CNOT10: variants seen among roughly 807,000 people sequenced by gnomAD.
The protein encoded by CNOT10 is CCR4-NOT transcription complex, subunit 10.
In CNOT10, 30 loss-of-function variants were observed where a neutral mutation model predicts 94.6. The ratio of observed to expected loss-of-function variants is 0.32; its 90% CI spans 0.24 to 0.43. The LOEUF (loss-of-function observed/expected upper bound fraction) is 0.43. Ranked by LOEUF, CNOT10 falls within the 20% of genes least tolerant of loss-of-function variation. CNOT10 has a pLI of 1.00. For missense variants in CNOT10, 759 were observed against 877.2 expected (o/e 0.87, Z 1.70); for synonymous variants, 289 against 301.6 (o/e 0.96, Z 0.43).
intron 1 of CNOT10, among the ~76,000 whole-genome samples, chr3:32,686,661 A>G (rs1437050939): frequency 2.0e-5 from 3 of 152,214 alleles, no homozygotes; most frequent in Non-Finnish European, 4.4e-5. Flanking sequence ...TGGATGAGGG[A>G]GAGACTATTA....
At chr3:32,752,869 C>T (rs748444199) in intron 13 of CNOT10, 10 of 310,476 alleles carry the variant, frequency 3.2e-5, no homozygotes, top group South Asian at 1.3e-4. Flanking sequence ...GTGGTAACTA[C>T]GACAGTAGCA....
chr3:32,694,615 A>G (rs1479812573), intron 1 of CNOT10, among the ~76,000 whole-genome samples: 1 of 151,912 alleles, frequency 6.6e-6, no homozygotes, highest in Non-Finnish European at 1.5e-5. Context: ...TTTTTGAGGC[A>G]GTCTTGCTCT....
At chr3:32,690,618 C>T (rs1383971835) in intron 1 of CNOT10, among the ~76,000 whole-genome samples, 4 of 151,854 alleles carry the variant, frequency 2.6e-5, no homozygotes, top group South Asian at 4.2e-4. Flanking sequence ...GCGATCTTGG[C>T]TCACTGCAAG....
intron 17 of CNOT10, among the ~76,000 whole-genome samples, chr3:32,767,746 T>G (rs141023493): frequency 1.9e-3 from 287 of 152,206 alleles, no homozygotes; most frequent in Non-Finnish European, 3.4e-3. Flanking sequence ...ATTGAGTGTA[T>G]GAGTTAAACC....
At chr3:32,695,650 G>T (rs1559475996) in intron 1 of CNOT10, 2 of 1,535,908 alleles carry the variant, frequency 1.3e-6, no homozygotes, top group African/African-American at 1.4e-5. Flanking sequence ...TGTAAAGACT[G>T]TCAAGGTTTG....
chr3:32,758,278 G>A (rs1315444880), intron 13 of CNOT10, among the ~76,000 whole-genome samples: 3 of 152,124 alleles, frequency 2.0e-5, no homozygotes, highest in South Asian at 2.1e-4. Context: ...CCTCAATTTC[G>A]TTATGCTTCT....
At chr3:32,755,985 G>T (rs1352676940) in intron 13 of CNOT10, among the ~76,000 whole-genome samples, 1 of 152,158 alleles carries the variant, frequency 6.6e-6, no homozygotes, top group Non-Finnish European at 1.5e-5. Context: ...TCGAGGAAGT[G>T]GGGGTGGGGA....
intron 17 of CNOT10, among the ~76,000 whole-genome samples, chr3:32,767,542 A>G (rs1700702142): frequency 7.5e-6 from 1 of 133,138 alleles, no homozygotes; most frequent in Admixed American, 7.8e-5. Context: ...AAAAAAGCCT[A>G]TGTGGCTTTC....
chr3:32,717,742 TG>T (rs1186299650), intron 7 of CNOT10, among the ~76,000 whole-genome samples: 3 of 152,098 alleles, frequency 2.0e-5, no homozygotes, highest in African/African-American at 7.2e-5. Context: ...GGCGTGTGCC[TG>T]TAGTCCCAGC....
intron 18 of CNOT10, among the ~76,000 whole-genome samples, chr3:32,770,206 C>CT (rs1437109125): frequency 6.6e-6 from 1 of 151,790 alleles, no homozygotes; most frequent in East Asian, 1.9e-4. Flanking sequence ...TGTGGTCTCG[C>CT]TTTGTTGCCC....
intron 13 of CNOT10, among the ~76,000 whole-genome samples, chr3:32,750,617 A>G (rs189931860): frequency 3.2e-4 from 49 of 151,956 alleles, no homozygotes; most frequent in African/African-American, 1.1e-3. Flanking sequence ...CACTGGCGCA[A>G]TCTTGGCTCC....
intron 3 of CNOT10, among the ~76,000 whole-genome samples, chr3:32,706,323 C>T (rs942510664): frequency 3.9e-5 from 6 of 152,120 alleles, no homozygotes; most frequent in African/African-American, 1.4e-4. Flanking sequence ...TAAGTTCAGC[C>T]TTTAAACTTT....
chr3:32,686,039 A>G (rs1696584449), intron 1 of CNOT10, among the ~76,000 whole-genome samples: 1 of 151,506 alleles, frequency 6.6e-6, no homozygotes, highest in African/African-American at 2.4e-5. Flanking sequence ...TGGCCTCTCA[A>G]AGTAAACCAC....
chr3:32,723,806 G>T (rs969505223), intron 8 of CNOT10, among the ~76,000 whole-genome samples: 3 of 152,080 alleles, frequency 2.0e-5, no homozygotes, highest in African/African-American at 7.2e-5. Flanking sequence ...GATCAGCCAG[G>T]AACGGTGCTC....
chr3:32,741,469 T>C (rs1026238923), intron 13 of CNOT10, among the ~76,000 whole-genome samples: 9 of 152,046 alleles, frequency 5.9e-5, no homozygotes, highest in Admixed American at 5.9e-4. Flanking sequence ...ACATGTCTAA[T>C]ATTTTAAGAA....
In CNOT10 at chr3:32,753,477, A is replaced by G. The variant is rs1347769678; in HGVS notation, c.1596-5981A>G. 4 of 1,560,148 alleles carry G rather than the reference A, an allele frequency of 2.6e-6. No homozygotes were observed. In the African/African-American group the frequency reaches 4.1e-5, roughly 16 times the overall value. ...GAGAGGATTACAATTTGAAACTGGAACTTCATCCTATAATACCAGAACAGA... is the reference window on the plus strand; with the variant it reads ...GAGAGGATTACAATTTGAAACTGGAGCTTCATCCTATAATACCAGAACAGA... On this transcript the variant is annotated intron_variant, in intron 13 of 18. Coordinates refer to ENST00000328834, the MANE Select transcript of CNOT10 (RefSeq NM_015442.3).
At position 32,743,463 on chromosome 3, in the gene CNOT10, C is replaced by T. The variant is rs1699561537; in HGVS notation, c.1595+5973C>T. On this transcript the variant is annotated intron_variant, in intron 13 of 18. Coordinates refer to ENST00000328834, the MANE Select transcript of CNOT10 (RefSeq NM_015442.3). ...TGGCCACCATGGTGAAAACCTGTCT[C>T]TACTAAAAATACAAAAAAAAATTAG... Among the ~76,000 whole-genome samples, 2 of 152,080 alleles carry T rather than the reference C, an allele frequency of 1.3e-5. 1 individual carries two copies. The highest frequency in any genetic ancestry group is 6.8e-3 in the Middle Eastern group (2 of 294).
chr3:32,726,983 A>G (rs1255348099), intron 9 of CNOT10, among the ~76,000 whole-genome samples: 2 of 151,406 alleles, frequency 1.3e-5, no homozygotes, highest in Non-Finnish European at 2.9e-5. Flanking sequence ...AGTAGCTGGG[A>G]CTACAGGCAC....
At chr3:32,721,017 C>G (rs1698374645) in intron 8 of CNOT10, among the ~76,000 whole-genome samples, 1 of 144,852 alleles carries the variant, frequency 6.9e-6, no homozygotes, top group Non-Finnish European at 1.5e-5. Context: ...CCTTCCCTCC[C>G]TCTCTTCCTT....
Sources: gnomAD v4.1 joint callset for allele counts (sites outside exome capture counted in the v4.1 genomes callset) on GRCh38, gnomAD v4.1.1 for gene constraint, MANE v1.5 for transcripts, NCBI Gene and HGNC (gene_info 2026-07-23, HGNC 2026-07-21) for gene names.